Variants in APOO observed in about 807,000 individuals in gnomAD.
APOO encodes the protein MICOS complex subunit MIC26.
APOO carries 11 observed loss-of-function variants against 23.1 expected under a neutral mutation model. That is an observed-to-expected ratio of 0.48 (90% confidence interval 0.30 to 0.79). The LOEUF is 0.79. Ranked by LOEUF, APOO falls within the 30% of genes least tolerant of loss-of-function variation. The pLI is 0.07. For missense variants in APOO, 160 were observed against 142.7 expected, an observed-to-expected ratio of 1.12 and a Z score of -0.62; for synonymous variants, 59 against 54.8, an observed-to-expected ratio of 1.08 and a Z score of -0.34.
Position 23,885,508 on chromosome X carries a change from G to A in APOO, c.10-4556C>T, listed in dbSNP as rs1484374089. ...ACTCCTGAGCTCAAGCAATCCTCCC[G>A]CCTTGGCCTCCCAAAGTGCTGGGAT... On this transcript the variant is annotated intron_variant, in intron 1 of 8. Transcript: ENST00000379226. Among the ~76,000 whole-genome samples, 4 of 108,068 alleles carry A rather than the reference G, an allele frequency of 3.7e-5. No individual in the cohort carries two copies. The East Asian group carries it at 8.7e-4, about 23-fold the overall frequency. The allele number at this position is 108,068 out of a possible 115,157, so 93.8% of individuals were successfully genotyped here.
chrX:23,863,860 G>C (rs1489500491), intron 5 of APOO, among the ~76,000 whole-genome samples: 10 of 110,931 alleles, frequency 9.0e-5, no homozygotes, highest in Non-Finnish European at 1.9e-5. Flanking sequence ...AGAGCCTGGA[G>C]AAACCTGAGA....
intron 7 of APOO, among the ~76,000 whole-genome samples, chrX:23,854,302 C>T (rs780372633): frequency 3.2e-4 from 36 of 111,727 alleles, no homozygotes; most frequent in Non-Finnish European, 4.9e-4. Context: ...CTTTGGTGTG[C>T]GTGTGTGTCT....
At chrX:23,889,615 G>A (rs1323620725) in intron 1 of APOO, among the ~76,000 whole-genome samples, 1 of 107,866 alleles carries the variant, frequency 9.3e-6, no homozygotes, top group Non-Finnish European at 1.9e-5. Context: ...GGCTTTTGCA[G>A]GCCTGTGTAC....
At chrX:23,842,663 TATA>T (rs1470636168) in intron 7 of APOO, among the ~76,000 whole-genome samples, 1 of 111,032 alleles carries the variant, frequency 9.0e-6, no homozygotes, top group East Asian at 2.8e-4. Context: ...AAAAAAGGCT[TATA>T]AGGGCCAGTG....
At chrX:23,883,743 C>T (rs908782361) in intron 1 of APOO, 1 of 111,714 alleles carries the variant, frequency 9.0e-6, no homozygotes, top group African/African-American at 3.3e-5. Context: ...ACTGGGGCTG[C>T]AGAAGCTGTA....
chrX:23,841,765 C>T (rs1923995076), intron 7 of APOO, among the ~76,000 whole-genome samples: 1 of 110,285 alleles, frequency 9.1e-6, no homozygotes, highest in East Asian at 2.9e-4. Flanking sequence ...GAACACACAC[C>T]CACCTACAAC....
At chrX:23,895,673 A>G (rs1431740398) in intron 1 of APOO, among the ~76,000 whole-genome samples, 1 of 111,061 alleles carries the variant, frequency 9.0e-6, no homozygotes, top group Non-Finnish European at 1.9e-5. Context: ...AAAAATTACA[A>G]TATTAGTCTT....
intron 1 of APOO, among the ~76,000 whole-genome samples, chrX:23,886,602 C>T (rs1287122388): frequency 9.0e-6 from 1 of 111,550 alleles, no homozygotes; most frequent in Admixed American, 9.6e-5. Context: ...GATGGAAACC[C>T]ATGGGAGGAG....
chrX:23,892,648 G>A (rs1158237356), intron 1 of APOO, among the ~76,000 whole-genome samples: 1 of 107,523 alleles, frequency 9.3e-6, no homozygotes, highest in African/African-American at 3.4e-5. Context: ...GGCGCCTGTA[G>A]TCCCAGCTAC....
chrX:23,888,626 G>T (rs1256643953), intron 1 of APOO, among the ~76,000 whole-genome samples: 1 of 110,820 alleles, frequency 9.0e-6, no homozygotes, highest in East Asian at 2.8e-4. Flanking sequence ...GCCGAGGCAG[G>T]TGGATCACAA....
At chrX:23,896,838 C>A (rs1926924983) in intron 1 of APOO, among the ~76,000 whole-genome samples, 1 of 103,463 alleles carries the variant, frequency 9.7e-6, no homozygotes, top group Non-Finnish European at 2.0e-5. Context: ...GATGGAGTCT[C>A]ACTATGTTTC....
At chrX:23,862,532 T>C (rs1164139567) in intron 5 of APOO, among the ~76,000 whole-genome samples, 2 of 106,805 alleles carry the variant, frequency 1.9e-5, no homozygotes, top group African/African-American at 6.8e-5. Flanking sequence ...TCCTAGCGCT[T>C]TGGGAGGCTG....
chrX:23,849,583 T>TAAAAA lies in APOO; in HGVS notation c.561+6714_561+6718dup, dbSNP rs143362355. Reference sequence around the variant, plus strand: ...GGGAGCCTGTAGATTAAGAGAGACTTAAAAAAAAAAAAAAAAAAAAAAAAA... The same window carrying TAAAAA: ...GGGAGCCTGTAGATTAAGAGAGACTTAAAAAAAAAAAAAAAAAAAAAAAAAAAAAA... On this transcript the variant is annotated intron_variant, in intron 7 of 8. Coordinates refer to ENST00000379226, the MANE Select transcript of APOO (RefSeq NM_024122.5). 1.0e-3 allele frequency among the ~76,000 whole-genome samples: 34 copies of TAAAAA among 32,593 alleles called. 2 individuals are homozygous for TAAAAA. The highest frequency in any genetic ancestry group is 1.5e-3 in the African/African-American group (11 of 7,233). 28.3% of individuals were successfully genotyped at this position (32,593 alleles called of 115,157 possible).
intron 1 of APOO, among the ~76,000 whole-genome samples, chrX:23,884,937 CATCT>C (rs1420312112): frequency 9.0e-6 from 1 of 111,325 alleles, no homozygotes; most frequent in African/African-American, 3.3e-5. Context: ...GAGGTCTAGT[CATCT>C]ATCTATGTAT....
In APOO at chrX:23,869,733, C is replaced by T. The variant is rs915951777; in HGVS notation, c.293-1045G>A. On this transcript the variant is annotated intron_variant, in intron 4 of 8. Transcript: ENST00000379226. ...TTGGGAGGCCGAGGAGGGCGGATCACGAGGTCAGGAGTTCGAGACCAGCCT... is the reference window on the plus strand; with the variant it reads ...TTGGGAGGCCGAGGAGGGCGGATCATGAGGTCAGGAGTTCGAGACCAGCCT... Among the ~76,000 whole-genome samples, 7 of 106,901 alleles carry T rather than the reference C, an allele frequency of 6.5e-5. No homozygotes were observed. In the East Asian group the frequency reaches 1.7e-3, roughly 27 times the overall value. The allele number at this position is 106,901 out of a possible 115,157, so 92.8% of individuals were successfully genotyped here.
At chrX:23,875,206 C>T (rs1266385202) in intron 3 of APOO, among the ~76,000 whole-genome samples, 7 of 104,231 alleles carry the variant, frequency 6.7e-5, no homozygotes, top group East Asian at 3.2e-4. Context: ...GCCGAGATGG[C>T]GCCACTGCAC....
intron 1 of APOO, among the ~76,000 whole-genome samples, chrX:23,906,504 GT>G (rs1424784072): frequency 8.9e-6 from 1 of 112,378 alleles, no homozygotes; most frequent in Non-Finnish European, 1.9e-5. Context: ...TTACTACACT[GT>G]TGGTACACAT....
At chrX:23,838,407 T>C (rs1300431396) in intron 8 of APOO, among the ~76,000 whole-genome samples, 2 of 97,816 alleles carry the variant, frequency 2.0e-5, no homozygotes, top group Non-Finnish European at 4.0e-5. Context: ...GAATAAAGGA[T>C]AAGACAAGCT....
Position 23,874,460 on chromosome X carries a change from A to G in APOO, c.238-3T>C, listed in dbSNP as rs1601917599. ...GGCTTAGTTTGGGAGTACGTTTCCTAAAAAGGTAAAAAGAAACTGAATGAA... is the reference window on the plus strand; with the variant it reads ...GGCTTAGTTTGGGAGTACGTTTCCTGAAAAGGTAAAAAGAAACTGAATGAA... On this transcript the variant is annotated splice_region_variant and splice_polypyrimidine_tract_variant and intron_variant, in intron 3 of 8. Coordinates refer to ENST00000379226, the MANE Select transcript of APOO (RefSeq NM_024122.5). The G allele has an allele frequency of 1.7e-6, 2 of 1,200,206 alleles. No homozygotes were observed. The highest frequency in any genetic ancestry group is 3.0e-5 in the East Asian group (1 of 33,779).
Sources: allele counts gnomAD v4.1 joint callset (sites outside exome capture counted in the v4.1 genomes callset), GRCh38; gene constraint gnomAD v4.1.1; transcripts MANE v1.5; gene names NCBI Gene and HGNC (gene_info 2026-07-23, HGNC 2026-07-21).